Variants in CPNE8 observed in about 807,000 individuals in gnomAD.
CPNE8 encodes copine 8.
CPNE8 carries 45 observed loss-of-function variants against 81.5 expected under a neutral mutation model. That is an observed-to-expected ratio of 0.55 (90% confidence interval 0.44 to 0.71). The LOEUF is 0.71. CPNE8 is among the 30% of genes least tolerant of loss of function. The probability of loss-of-function intolerance (pLI) is 0.00; values close to 1 mark genes in which losing one functional copy is unlikely to be tolerated. For missense variants in CPNE8, 594 were observed against 672.1 expected, an observed-to-expected ratio of 0.88 and a Z score of 1.28; for synonymous variants, 252 against 226.3, an observed-to-expected ratio of 1.11 and a Z score of -1.02.
At chr12:38,764,048 A>C (rs1565603174) in intron 8 of CPNE8, among the ~76,000 whole-genome samples, 1 of 152,230 alleles carries the variant, frequency 6.6e-6, no homozygotes, top group East Asian at 1.9e-4. Context: ...CAGTATCCTC[A>C]CTCATCTAAG....
chr12:38,704,864 T>TATATATATATATATA (rs1940064957), intron 13 of CPNE8, among the ~76,000 whole-genome samples: 4 of 73,832 alleles, frequency 5.4e-5, no homozygotes, highest in African/African-American at 2.2e-4. Flanking sequence ...ATATATATAT[T>TATATATATATATATA]TAAATTTCGG....
chr12:38,683,222 GA>G (rs1939450288), intron 16 of CPNE8, among the ~76,000 whole-genome samples: 1 of 151,934 alleles, frequency 6.6e-6, no homozygotes, highest in Non-Finnish European at 1.5e-5. Context: ...AATGCTTCTA[GA>G]AAATGACAAT....
At chr12:38,824,343 CATTTT>C (rs1393695184) in intron 6 of CPNE8, among the ~76,000 whole-genome samples, 6 of 151,938 alleles carry the variant, frequency 3.9e-5, no homozygotes, top group Admixed American at 2.6e-4. Flanking sequence ...TACAACAAAC[CATTTT>C]ACCTTCACAA....
At chr12:38,756,803 C>T (rs1300414304) in intron 10 of CPNE8, among the ~76,000 whole-genome samples, 1 of 152,162 alleles carries the variant, frequency 6.6e-6, no homozygotes, top group African/African-American at 2.4e-5. Context: ...GTAGTACCAA[C>T]CAATATGGCA....
chr12:38,906,120 C>T, upstream of CPNE8: 1 of 986,012 alleles, frequency 1.0e-6, no homozygotes, highest in South Asian at 4.7e-5. Flanking sequence ...ATAAGGTCCC[C>T]CTCCCCACAA....
chr12:38,670,143 T>C (rs1381089816), intron 19 of CPNE8, among the ~76,000 whole-genome samples: 1 of 152,190 alleles, frequency 6.6e-6, no homozygotes, highest in Middle Eastern at 3.2e-3. Flanking sequence ...TATGGGTGAA[T>C]ATATATGTTA....
chr12:38,723,944 ATAT>A, intron 12 of CPNE8, 111 bp from the exon 13 acceptor site: 1 of 675,626 alleles, frequency 1.5e-6, no homozygotes, highest in Admixed American at 2.8e-5. Context: ...CTCACTAAAG[ATAT>A]TATTTTTTAT....
Position 38,905,445 on chromosome 12 carries a change from C to T in CPNE8, c.90G>A (p.Val30=), listed in dbSNP as rs1214974490. ...AIPATRVEVS[V]SCRNLLDRDT... Reference sequence around the variant, plus strand: ...AAGGGCTGCGTCCTCACCTGCAGGACACGGACACCTCCACCCGCGTGGCCG... The same window carrying T: ...AAGGGCTGCGTCCTCACCTGCAGGATACGGACACCTCCACCCGCGTGGCCG... The change falls in exon 1 of 20, where the codon GTG becomes GTA. Residue 30 remains valine (V), a synonymous_variant. Transcript: ENST00000331366. 2 of 1,564,870 alleles carry T rather than the reference C, an allele frequency of 1.3e-6. No homozygotes were observed. Among genetic ancestry groups the T allele is most frequent in the Non-Finnish European group, 1.7e-6 (2 of 1,154,808 alleles).
rs773103792 is a variant in CPNE8 at position 38,872,991 on chromosome 12, G to A, written c.186+13C>T. The A allele has an allele frequency of 1.4e-6, 2 of 1,456,918 alleles. No individual in the cohort carries two copies. Among genetic ancestry groups the A allele is most frequent in the Non-Finnish European group, 1.9e-6 (2 of 1,042,908 alleles). 90.2% of individuals were successfully genotyped at this position (1,456,918 alleles called of 1,614,324 possible). ...CAAGCCCAGTGATTTTTTTAAAAAAGTTTTAAACTTACCTCTCTCCATTCT... is the reference window on the plus strand; with the variant it reads ...CAAGCCCAGTGATTTTTTTAAAAAAATTTTAAACTTACCTCTCTCCATTCT... On this transcript the variant is annotated intron_variant, in intron 3 of 19. Transcript: ENST00000331366.
chr12:38,752,292 T>C (rs1241330958), intron 10 of CPNE8, among the ~76,000 whole-genome samples: 1 of 152,140 alleles, frequency 6.6e-6, no homozygotes, highest in African/African-American at 2.4e-5. Context: ...GTTGTAGTAA[T>C]GCCTAGGCCT....
chr12:38,796,694 G>A (rs536486860), intron 6 of CPNE8, among the ~76,000 whole-genome samples: 22 of 152,236 alleles, frequency 1.4e-4, no homozygotes, highest in African/African-American at 4.1e-4. Context: ...CACAGTGGGC[G>A]CAGGACAGTG....
intron 13 of CPNE8, among the ~76,000 whole-genome samples, chr12:38,717,504 C>G (rs1430535601): frequency 2.2e-5 from 3 of 133,904 alleles, no homozygotes; most frequent in Non-Finnish European, 4.7e-5. Flanking sequence ...AAAATAATGT[C>G]TTTTGCAGCA....
intron 6 of CPNE8, among the ~76,000 whole-genome samples, chr12:38,815,144 G>C (rs2136995135): frequency 6.6e-6 from 1 of 152,256 alleles, no homozygotes. Context: ...TCCTACTACA[G>C]AGCCAAACAG....
At chr12:38,863,047 G>A (rs1002154064) in intron 3 of CPNE8, among the ~76,000 whole-genome samples, 2 of 152,062 alleles carry the variant, frequency 1.3e-5, no homozygotes, top group Admixed American at 1.3e-4. Context: ...ACCATCAAAG[G>A]CAGAAATTGA....
chr12:38,710,269 A>AAAAAG (rs10640405), intron 13 of CPNE8, among the ~76,000 whole-genome samples: 1 of 3,742 alleles, frequency 2.7e-4, no homozygotes, highest in Non-Finnish European at 7.9e-4. Flanking sequence ...ATAAGCTAAC[A>AAAAAG]AAAAAAAAAA....
intron 6 of CPNE8, among the ~76,000 whole-genome samples, chr12:38,819,229 A>G (rs1943075568): frequency 6.6e-6 from 1 of 151,994 alleles, no homozygotes; most frequent in Non-Finnish European, 1.5e-5. Flanking sequence ...CCTGAATCGT[A>G]TTGTCTAGGT....
At chr12:38,672,501 G>A (rs372388626) in intron 18 of CPNE8, among the ~76,000 whole-genome samples, 116 of 152,252 alleles carry the variant, frequency 7.6e-4, no homozygotes, top group African/African-American at 2.6e-3. Flanking sequence ...ATGAACCCCA[G>A]TCTCCCACCA....
intron 5 of CPNE8, among the ~76,000 whole-genome samples, chr12:38,831,073 G>A (rs1943278503): frequency 6.6e-6 from 1 of 152,140 alleles, no homozygotes; most frequent in African/African-American, 2.4e-5. Flanking sequence ...ATAGTCAAGG[G>A]AACATTTTCC....
chr12:38,894,564 T>C (rs1944358862), intron 1 of CPNE8, among the ~76,000 whole-genome samples: 1 of 151,978 alleles, frequency 6.6e-6, no homozygotes, highest in African/African-American at 2.4e-5. Context: ...TCTAAAATCG[T>C]AGGTAATTGA....
Sources: gnomAD v4.1 joint callset for allele counts (sites outside exome capture counted in the v4.1 genomes callset) on GRCh38, gnomAD v4.1.1 for gene constraint, MANE v1.5 for transcripts, NCBI Gene and HGNC (gene_info 2026-07-23, HGNC 2026-07-21) for gene names.